ASAP1: variants seen among roughly 807,000 people sequenced by gnomAD.
The protein encoded by ASAP1 is arf-GAP with SH3 domain, ANK repeat and PH domain-containing protein 1.
ASAP1 carries 43 observed loss-of-function variants against 145.2 expected under a neutral mutation model. The observed-to-expected ratio is 0.30, with a 90% confidence interval of 0.23 to 0.38. The LOEUF (loss-of-function observed/expected upper bound fraction) is 0.38. Among genes scored for constraint, ASAP1 ranks in the 10% least tolerant of loss-of-function variants. ASAP1 has a pLI of 1.00. For synonymous variants in ASAP1, 546 were observed against 515.5 expected, an observed-to-expected ratio of 1.06 and a Z score of -0.80; for missense variants, 1,018 against 1,355.3, an observed-to-expected ratio of 0.75 and a Z score of 3.91.
intron 3 of ASAP1, among the ~76,000 whole-genome samples, chr8:130,257,786 A>ACCCCC (rs11392655): frequency 1.5e-5 from 2 of 132,874 alleles, no homozygotes; most frequent in Admixed American, 7.6e-5. Flanking sequence ...ACTCAAGAGC[A>ACCCCC]CCCCCCCCCC....
chr8:130,175,685 T>G (rs1198999281), intron 9 of ASAP1, among the ~76,000 whole-genome samples: 2 of 152,232 alleles, frequency 1.3e-5, no homozygotes, highest in Non-Finnish European at 1.5e-5. Flanking sequence ...ATATTTTTAT[T>G]TGGTTTCCTG....
intron 3 of ASAP1, among the ~76,000 whole-genome samples, chr8:130,313,985 T>A (rs1293175514): frequency 1.3e-5 from 2 of 152,160 alleles, no homozygotes; most frequent in African/African-American, 4.8e-5. Flanking sequence ...ACCCCTAGGC[T>A]GGCAAGCAGC....
intron 2 of ASAP1, among the ~76,000 whole-genome samples, chr8:130,389,523 G>A (rs774510017): frequency 6.6e-6 from 1 of 152,194 alleles, no homozygotes; most frequent in Non-Finnish European, 1.5e-5. Flanking sequence ...ATAAAGTGAT[G>A]TGGTTGTGCT....
At chr8:130,272,420 GA>G (rs1260307981) in intron 3 of ASAP1, among the ~76,000 whole-genome samples, 1 of 152,120 alleles carries the variant, frequency 6.6e-6, no homozygotes, top group African/African-American at 2.4e-5. Context: ...CAGTCGCTGT[GA>G]AAAAGAGTAT....
At chr8:130,242,532 C>T (rs897965210) in intron 3 of ASAP1, among the ~76,000 whole-genome samples, 1 of 151,976 alleles carries the variant, frequency 6.6e-6, no homozygotes, top group African/African-American at 2.4e-5. Flanking sequence ...ATCATGCTAC[C>T]TTGATGGGAG....
intron 1 of ASAP1, among the ~76,000 whole-genome samples, chr8:130,404,941 G>A (rs1828958149): frequency 6.6e-6 from 1 of 151,968 alleles, no homozygotes; most frequent in South Asian, 2.1e-4. Flanking sequence ...TCAAAGACAT[G>A]TGGAGCAGAT....
chr8:130,108,382 T>A (rs1186047027), intron 24 of ASAP1, among the ~76,000 whole-genome samples: 2 of 152,238 alleles, frequency 1.3e-5, no homozygotes, highest in Non-Finnish European at 2.9e-5. Flanking sequence ...AAAGGTTAGT[T>A]CTTTTAAGCA....
intron 3 of ASAP1, among the ~76,000 whole-genome samples, chr8:130,259,195 C>T (rs774869441): frequency 7.2e-5 from 11 of 152,166 alleles, no homozygotes; most frequent in Non-Finnish European, 1.3e-4. Flanking sequence ...GAATTTTCTT[C>T]CTCTGTGCTT....
intron 3 of ASAP1, among the ~76,000 whole-genome samples, chr8:130,275,507 A>G (rs962289896): frequency 6.6e-6 from 1 of 152,212 alleles, no homozygotes; most frequent in Non-Finnish European, 1.5e-5. Context: ...TAGCCTAGGA[A>G]GGAGAAAACA....
chr8:130,152,347 T>G (rs1040967575), intron 13 of ASAP1, among the ~76,000 whole-genome samples: 1 of 152,236 alleles, frequency 6.6e-6, no homozygotes, highest in East Asian at 1.9e-4. Context: ...CAAAACTTAC[T>G]GTGCACTTCT....
At chr8:130,381,956 C>T (rs887468025) in intron 2 of ASAP1, among the ~76,000 whole-genome samples, 11 of 152,156 alleles carry the variant, frequency 7.2e-5, no homozygotes, top group African/African-American at 2.7e-4. Flanking sequence ...TCTCCCTTTA[C>T]CCGTGTTTAT....
rs959894044 is a variant in ASAP1 at position 130,053,628 on chromosome 8, A to G, written c.*1103T>C. 1 of 152,234 alleles carries G rather than the reference A, an allele frequency of 6.6e-6. No individual in the cohort carries two copies. The highest frequency in any genetic ancestry group is 2.4e-5 in the African/African-American group (1 of 41,458). The allele number at this position is 152,234 out of a possible 1,614,324, so 9.4% of individuals were successfully genotyped here. A position where few individuals can be genotyped will look rare whatever the true frequency, so the allele number is the denominator to read the frequency against. On this transcript the variant is annotated 3_prime_UTR_variant, in exon 30 of 30. Transcript: ENST00000518721. ...CCTGGATTCTACATACAGTAGGGAA[A>G]CTGTGTGAAGGGTTGACTTTTAAAT...
chr8:130,231,106 G>A (rs1817886476), intron 4 of ASAP1, among the ~76,000 whole-genome samples: 1 of 152,104 alleles, frequency 6.6e-6, no homozygotes, highest in South Asian at 2.1e-4. Flanking sequence ...ATTTCCTTGT[G>A]CACTATGAGC....
chr8:130,342,157 A>T (rs1175109845), intron 3 of ASAP1, among the ~76,000 whole-genome samples: 1 of 152,120 alleles, frequency 6.6e-6, no homozygotes. Flanking sequence ...CTGAGACCCC[A>T]AGGGCAATCA....
At chr8:130,285,271 T>C (rs72724426) in intron 3 of ASAP1, among the ~76,000 whole-genome samples, 5,301 of 151,466 alleles carry the variant, frequency 0.035, 126 homozygotes, top group Middle Eastern at 0.062. Context: ...TTCAGAAACA[T>C]ACACAAATAA....
chr8:130,199,939 A>T (rs978804274), intron 5 of ASAP1, among the ~76,000 whole-genome samples: 2 of 152,228 alleles, frequency 1.3e-5, no homozygotes, highest in African/African-American at 4.8e-5. Flanking sequence ...GTCCATCCAC[A>T]ATGTTCACTA....
intron 5 of ASAP1, among the ~76,000 whole-genome samples, chr8:130,205,316 T>C (rs538933414): frequency 6.8e-6 from 1 of 146,420 alleles, no homozygotes; most frequent in African/African-American, 2.6e-5. Flanking sequence ...AAGCTGAAAA[T>C]GCAATCCTAT....
At chr8:130,334,268 C>A (rs139962021) in intron 3 of ASAP1, among the ~76,000 whole-genome samples, 89 of 152,200 alleles carry the variant, frequency 5.8e-4, no homozygotes, top group African/African-American at 2.0e-3. Flanking sequence ...ACAACAACAA[C>A]AAAAATATCA....
Position 130,294,546 on chromosome 8 carries a change from C to T in ASAP1, c.187-57552G>A, listed in dbSNP as rs535744421. On this transcript the variant is annotated intron_variant, in intron 3 of 29. Transcript: ENST00000518721. Reference sequence around the variant, plus strand: ...CTACACAATGGGGACAGCAATAGCACCTTCATGCAGTCAGAAAGATGAATG... The same window carrying T: ...CTACACAATGGGGACAGCAATAGCATCTTCATGCAGTCAGAAAGATGAATG... 5.9e-5 allele frequency among the ~76,000 whole-genome samples: 9 copies of T among 152,318 alleles called. No individual in the cohort carries two copies. In the East Asian group the frequency reaches 1.7e-3, roughly 29 times the overall value.
Sources: allele counts gnomAD v4.1 joint callset (sites outside exome capture counted in the v4.1 genomes callset), GRCh38; gene constraint gnomAD v4.1.1; transcripts MANE v1.5; gene names NCBI Gene and HGNC (gene_info 2026-07-23, HGNC 2026-07-21).